The following PTK2 variants were observed in gnomAD, a reference collection of about 807,000 sequenced individuals.
PTK2 encodes focal adhesion kinase 1.
A neutral mutation model predicts 150.1 loss-of-function variants in PTK2; 45 were observed. The ratio of observed to expected loss-of-function variants is 0.30; its 90% CI spans 0.24 to 0.38. PTK2 has a LOEUF of 0.38. PTK2 is among the 10% of genes least tolerant of loss of function. PTK2 has a pLI of 1.00. For missense variants in PTK2, 919 were observed against 1,307.3 expected (o/e 0.70, Z 4.58); for synonymous variants, 432 against 449.2 (o/e 0.96, Z 0.48).
chr8:140,784,830 G>A (rs1043962174), intron 14 of PTK2, among the ~76,000 whole-genome samples: 2 of 152,152 alleles, frequency 1.3e-5, no homozygotes, highest in Non-Finnish European at 2.9e-5. Context: ...ACTTATTTTT[G>A]TAGAGAAATA....
At chr8:140,803,301 T>C (rs906693949) in intron 11 of PTK2, among the ~76,000 whole-genome samples, 2 of 152,138 alleles carry the variant, frequency 1.3e-5, no homozygotes, top group African/African-American at 4.8e-5. Context: ...CCTGGCCTGA[T>C]GATAATCTTT....
intron 1 of PTK2, among the ~76,000 whole-genome samples, chr8:140,984,332 A>T (rs2100192528): frequency 6.6e-6 from 1 of 152,136 alleles, no homozygotes. Flanking sequence ...GTGGTTATTC[A>T]ACTTTCAAAC....
At chr8:140,688,670 C>A (rs1335960827) in intron 26 of PTK2, among the ~76,000 whole-genome samples, 1 of 152,104 alleles carries the variant, frequency 6.6e-6, no homozygotes, top group African/African-American at 2.4e-5. Flanking sequence ...TAGTGAGCTA[C>A]CATTGTACCA....
At chr8:140,763,696 C>T (rs1378082682) in intron 15 of PTK2, among the ~76,000 whole-genome samples, 1 of 151,970 alleles carries the variant, frequency 6.6e-6, no homozygotes, top group Non-Finnish European at 1.5e-5. Flanking sequence ...CTGTTTCTCT[C>T]CCCACACCTC....
At chr8:140,732,824 T>G (rs1208658657) in intron 22 of PTK2, among the ~76,000 whole-genome samples, 1 of 152,024 alleles carries the variant, frequency 6.6e-6, no homozygotes, top group Non-Finnish European at 1.5e-5. Context: ...TGAAGGCTAG[T>G]CAGCTGTGAA....
chr8:140,708,790 C>T (rs551358787), intron 23 of PTK2, among the ~76,000 whole-genome samples: 25 of 152,130 alleles, frequency 1.6e-4, no homozygotes, highest in African/African-American at 6.0e-4. Flanking sequence ...AGTTCGGCTA[C>T]CTTGGTACTT....
rs114199138 is a variant in PTK2 at position 140,790,524 on chromosome 8, G to A, written c.1125-998C>T. ...TACACATGAGGTCACATGAGGTCAG[G>A]TGTGGAAGTTTCCACTTGCTGCAAC... On this transcript the variant is annotated intron_variant, in intron 13 of 31. Coordinates refer to ENST00000522684, the Ensembl canonical transcript of PTK2. 4.5e-3 allele frequency among the ~76,000 whole-genome samples: 683 copies of A among 152,312 alleles called. 4 individuals carry two copies. Among genetic ancestry groups the A allele is most frequent in the African/African-American group, 0.016 (646 of 41,566 alleles).
chr8:140,810,136 C>T (rs1566831009), intron 10 of PTK2, among the ~76,000 whole-genome samples: 1 of 152,198 alleles, frequency 6.6e-6, no homozygotes, highest in Non-Finnish European at 1.5e-5. Context: ...TCACTACAGG[C>T]CTCTTAAATC....
chr8:140,977,553 C>T (rs371210521), intron 1 of PTK2, among the ~76,000 whole-genome samples: 2 of 150,564 alleles, frequency 1.3e-5, no homozygotes, highest in African/African-American at 2.4e-5. Flanking sequence ...ACCCAGGAGG[C>T]GGAGGTTGCA....
chr8:140,773,933 T>G (rs1052701228), intron 14 of PTK2, among the ~76,000 whole-genome samples: 3 of 152,102 alleles, frequency 2.0e-5, no homozygotes, highest in African/African-American at 7.2e-5. Flanking sequence ...AGCCCCATAC[T>G]CCTGCCTCTC....
intron 16 of PTK2, among the ~76,000 whole-genome samples, chr8:140,758,126 C>A (rs933645658): frequency 1.3e-5 from 2 of 152,130 alleles, no homozygotes; most frequent in Non-Finnish European, 2.9e-5. Context: ...GAGTCTCACT[C>A]TGTTGTCCAG....
intron 2 of PTK2, among the ~76,000 whole-genome samples, chr8:140,924,595 C>T (rs2100168765): frequency 6.6e-6 from 1 of 152,098 alleles, no homozygotes; most frequent in South Asian, 2.1e-4. Flanking sequence ...ATATGCTGGA[C>T]GTCAGTGACA....
intron 14 of PTK2, among the ~76,000 whole-genome samples, chr8:140,769,892 A>G (rs2100074578): frequency 6.6e-6 from 1 of 152,226 alleles, no homozygotes; most frequent in Admixed American, 6.5e-5. Flanking sequence ...CACACTAAGC[A>G]AAGTTAATTT....
intron 8 of PTK2, among the ~76,000 whole-genome samples, chr8:140,819,649 T>C (rs1054724442): frequency 6.6e-6 from 1 of 152,180 alleles, no homozygotes. Context: ...CCATATTACA[T>C]TGTTACATGA....
chr8:140,678,973 C>T (rs895205168), intron 27 of PTK2, among the ~76,000 whole-genome samples: 2 of 146,898 alleles, frequency 1.4e-5, no homozygotes, highest in Non-Finnish European at 3.0e-5. Context: ...TTCCAGTCAG[C>T]CAGCTCACGG....
chr8:140,863,820 A>G (rs1379833647), intron 5 of PTK2, among the ~76,000 whole-genome samples: 1 of 152,236 alleles, frequency 6.6e-6, no homozygotes, highest in African/African-American at 2.4e-5. Context: ...AAATATTTTT[A>G]TTAAAGCAAA....
intron 10 of PTK2, among the ~76,000 whole-genome samples, chr8:140,817,714 G>C (rs913987641): frequency 6.6e-6 from 1 of 152,032 alleles, no homozygotes; most frequent in African/African-American, 2.4e-5. Context: ...CTGGCACCAA[G>C]CAGGTTCTCA....
At chr8:140,686,042 T>C (rs2100019592) in intron 27 of PTK2, among the ~76,000 whole-genome samples, 1 of 152,200 alleles carries the variant, frequency 6.6e-6, no homozygotes, top group East Asian at 1.9e-4. Flanking sequence ...CACTATGGAA[T>C]ACTATGTAGC....
chr8:140,819,806 G>A (rs1306669819), intron 8 of PTK2, among the ~76,000 whole-genome samples: 1 of 152,158 alleles, frequency 6.6e-6, no homozygotes, highest in Admixed American at 6.5e-5. Flanking sequence ...TAAGATGATA[G>A]GTGGTCTTCC....
Sources: gnomAD v4.1 joint callset for allele counts (sites outside exome capture counted in the v4.1 genomes callset) on GRCh38, gnomAD v4.1.1 for gene constraint, MANE v1.5 for transcripts, NCBI Gene and HGNC (gene_info 2026-07-23, HGNC 2026-07-21) for gene names.